Variants in LRRC36 observed in about 807,000 individuals in gnomAD.
The protein encoded by LRRC36 is leucine-rich repeat-containing protein 36.
Under a neutral mutation model 81.1 loss-of-function variants are expected in LRRC36, and 62 were observed. The observed-to-expected ratio is 0.76, with a 90% CI of 0.62 to 0.94. The LOEUF (loss-of-function observed/expected upper bound fraction) is 0.94. LRRC36 is among the 40% of genes least tolerant of loss of function. The pLI is 0.00. For synonymous variants in LRRC36, 334 were observed against 348.6 expected (o/e 0.96, Z 0.47); for missense variants, 761 against 881.7 (o/e 0.86, Z 1.73).
At chr16:67,381,876 C>CA (rs762805165) in intron 12 of LRRC36, among the ~76,000 whole-genome samples, 5 of 152,184 alleles carry the variant, frequency 3.3e-5, no homozygotes, top group Non-Finnish European at 7.3e-5. Flanking sequence ...CTCAGCCTCC[C>CA]AAAGTGCTGG....
At chr16:67,369,846 G>A (rs1567495267) in intron 8 of LRRC36, among the ~76,000 whole-genome samples, 1 of 152,126 alleles carries the variant, frequency 6.6e-6, no homozygotes, top group Non-Finnish European at 1.5e-5. Flanking sequence ...TTCCCACCAG[G>A]TCCCTCCCAT....
At chr16:67,367,781 G>A (rs970830181) in intron 8 of LRRC36, among the ~76,000 whole-genome samples, 5 of 152,254 alleles carry the variant, frequency 3.3e-5, no homozygotes, top group South Asian at 4.1e-4. Flanking sequence ...GGCTGGGCAC[G>A]GTGGCTCATG....
chr16:67,363,746 A>G, intron 6 of LRRC36, 32 bp downstream of exon 6: 1 of 1,608,128 alleles, frequency 6.2e-7, no homozygotes, highest in Non-Finnish European at 8.5e-7. Flanking sequence ...TGATCTGTTG[A>G]CTAGTCAATG....
intron 4 of LRRC36, among the ~76,000 whole-genome samples, chr16:67,348,247 A>G (rs1014982395): frequency 6.6e-6 from 1 of 152,222 alleles, no homozygotes; most frequent in Non-Finnish European, 1.5e-5. Context: ...TACAATTGAG[A>G]GTTAACTATT....
intron 1 of LRRC36, among the ~76,000 whole-genome samples, chr16:67,328,980 G>A (rs1288301207): frequency 1.3e-5 from 2 of 152,028 alleles, no homozygotes; most frequent in East Asian, 1.9e-4. Context: ...CGTGATCTCG[G>A]CTCACTGTAA....
At chr16:67,332,258 A>G (rs2037529152) in intron 1 of LRRC36, among the ~76,000 whole-genome samples, 1 of 151,966 alleles carries the variant, frequency 6.6e-6, no homozygotes, top group African/African-American at 2.4e-5. Context: ...TTCACTCTTT[A>G]TAAACACTGA....
intron 3 of LRRC36, 91 bp downstream of exon 3, chr16:67,346,539 T>A (rs1170579549): frequency 1.5e-6 from 1 of 655,920 alleles, no homozygotes; most frequent in Non-Finnish European, 2.5e-6. Context: ...CAGTGTGCAC[T>A]GGCAGGATAT....
chr16:67,384,667 G>A (rs531124921), intron 13 of LRRC36, among the ~76,000 whole-genome samples: 2 of 152,346 alleles, frequency 1.3e-5, no homozygotes, highest in East Asian at 1.9e-4. Context: ...TATTGCTTCA[G>A]TAAGTCTGGA....
intron 4 of LRRC36, among the ~76,000 whole-genome samples, chr16:67,349,433 A>G (rs1020126522): frequency 2.6e-5 from 4 of 152,294 alleles, no homozygotes; most frequent in African/African-American, 9.6e-5. Context: ...CATACAGCCT[A>G]GGCTTTGTGT....
intron 5 of LRRC36, among the ~76,000 whole-genome samples, chr16:67,363,170 C>G (rs1400934039): frequency 6.6e-6 from 1 of 152,100 alleles, no homozygotes; most frequent in Non-Finnish European, 1.5e-5. Flanking sequence ...TGATTAGTAC[C>G]CTGGAGATGT....
intron 10 of LRRC36, among the ~76,000 whole-genome samples, chr16:67,376,376 A>C (rs1042651822): frequency 2.0e-5 from 3 of 152,210 alleles, no homozygotes; most frequent in African/African-American, 7.2e-5. Context: ...GGTTAAAAAA[A>C]CTTTTTAAAA....
chr16:67,367,190 T>C lies in LRRC36; in HGVS notation c.928T>C (p.Cys310Arg). The stretch of plus-strand genomic sequence containing the variant: ...TACCCATGATGCCTCATTGAGTAAA[T>C]GCCTGGATGTGGGTGATTCTAGCCA... ...HLTHDASLSKCLDVGDSSQIH... is the reference protein window; with the variant it reads ...HLTHDASLSKRLDVGDSSQIH... The change falls in exon 8 of 14, where the codon TGC becomes CGC. Residue 310 changes from cysteine to arginine, a missense_variant. Cys to Arg is a radical substitution (Grantham distance 180). This residue lies in a region of LRRC36 where 139 missense variants were observed against 214.0 expected (regional missense o/e 0.65). Transcript: ENST00000329956. 1 of 1,614,176 alleles carries C rather than the reference T, an allele frequency of 6.2e-7. No individual in the cohort carries two copies. The highest frequency in any genetic ancestry group is 8.5e-7 in the Non-Finnish European group (1 of 1,180,032).
chr16:67,329,265 A>C (rs2037357514), intron 1 of LRRC36, among the ~76,000 whole-genome samples: 1 of 152,014 alleles, frequency 6.6e-6, no homozygotes, highest in Admixed American at 6.6e-5. Context: ...ATGCAACCTA[A>C]AAAATTTAAC....
chr16:67,338,803 C>T (rs935498655), intron 1 of LRRC36, among the ~76,000 whole-genome samples: 1 of 144,826 alleles, frequency 6.9e-6, no homozygotes, highest in Non-Finnish European at 1.5e-5. Flanking sequence ...TGTTGAGAAG[C>T]CATCAGGTTC....
At position 67,347,580 on chromosome 16, in the gene LRRC36, G is replaced by A. The variant is rs765457486; in HGVS notation, c.477G>A (p.Glu159=). The A allele has an allele frequency of 3.7e-6, 6 of 1,611,144 alleles. 1 individual carries two copies. The South Asian group carries it at 5.5e-5, about 15-fold the overall frequency. Residue 159 remains glutamate (E), a synonymous_variant, in exon 4 of 14, where the codon GAG becomes GAA. Coordinates refer to ENST00000329956, the MANE Select transcript of LRRC36 (RefSeq NM_018296.6). ...GCAACAGTGAAAATTTTCTTTTAGAGGTGGAAAAAAGGTAAGAAGATTCTT... is the reference window on the plus strand; with the variant it reads ...GCAACAGTGAAAATTTTCTTTTAGAAGTGGAAAAAAGGTAAGAAGATTCTT... ...QLGNSENFLL[E]VEKSSREKTM... is the part of the protein sequence containing the mutation.
chr16:67,362,033 C>T lies in LRRC36; in HGVS notation c.578-1557C>T, dbSNP rs550591207. 2.6e-5 allele frequency among the ~76,000 whole-genome samples: 4 copies of T among 152,154 alleles called. No homozygotes were observed. In the South Asian group the frequency reaches 8.3e-4, roughly 32 times the overall value. The stretch of plus-strand genomic sequence containing the variant: ...ATTGCTTGAGCCCAGGAGTTCTAAA[C>T]CAGCCTGGGCAACATACGGATACCC... On this transcript the variant is annotated intron_variant, in intron 5 of 13. Coordinates refer to ENST00000329956, the MANE Select transcript of LRRC36 (RefSeq NM_018296.6).
rs780236156 is a variant in LRRC36 at position 67,367,344 on chromosome 16, G to C, written c.1082G>C (p.Ser361Thr). 6.2e-7 allele frequency: 1 copy of C among 1,614,096 alleles called. No individual in the cohort carries two copies. Among genetic ancestry groups the C allele is most frequent in the South Asian group, 1.1e-5 (1 of 91,074 alleles). ...PQRSKNYQEY[S>T]IKPSNDIKTT... ...AGAAGCAAGAACTATCAAGAGTATAGCATAAAGCCTTCAAATGACATAAAG... is the reference window on the plus strand; with the variant it reads ...AGAAGCAAGAACTATCAAGAGTATACCATAAAGCCTTCAAATGACATAAAG... Residue 361 changes from serine to threonine, a missense_variant, in exon 8 of 14, where the codon AGC becomes ACC. By Grantham distance (58) the Ser-to-Thr change is moderately conservative. Transcript: ENST00000329956.
chr16:67,382,501 G>A (rs2040150369), intron 13 of LRRC36, among the ~76,000 whole-genome samples: 1 of 152,178 alleles, frequency 6.6e-6, no homozygotes. Flanking sequence ...TGGATCTGAT[G>A]GGACCTTTGT....
chr16:67,350,369 A>G, intron 5 of LRRC36, 79 bp downstream of exon 5: 1 of 1,165,768 alleles, frequency 8.6e-7, no homozygotes, highest in South Asian at 1.3e-5. Context: ...GGGTAAGATG[A>G]AGACACATAG....
Sources: allele counts gnomAD v4.1 joint callset (sites outside exome capture counted in the v4.1 genomes callset), GRCh38; gene constraint gnomAD v4.1.1; regional missense constraint gnomAD v4.1.1; transcripts MANE v1.5; gene names NCBI Gene and HGNC (gene_info 2026-07-23, HGNC 2026-07-21).